RBFOX1: variants seen among roughly 807,000 people sequenced by gnomAD.
RBFOX1 encodes RNA binding fox-1 homolog 1, also known as RNA binding protein fox-1 homolog 1.
In RBFOX1, 8 loss-of-function variants were observed where a neutral mutation model predicts 57.7. The ratio of observed to expected loss-of-function variants is 0.14; its 90% CI spans 0.08 to 0.25. The LOEUF is 0.25. Among genes scored for constraint, RBFOX1 ranks in the 10% least tolerant of loss-of-function variants. The pLI is 1.00. For missense variants in RBFOX1, 611 were observed against 548.5 expected, an observed-to-expected ratio of 1.11 and a Z score of -1.14; for synonymous variants, 326 against 222.4, an observed-to-expected ratio of 1.47 and a Z score of -4.15.
chr16:5,497,002 T>C (rs74004336), intron 2 of RBFOX1, among the ~76,000 whole-genome samples: 35 of 152,326 alleles, frequency 2.3e-4, no homozygotes, highest in African/African-American at 8.2e-4. Flanking sequence ...AAAAGAATTT[T>C]TTTTTCAGGG....
At chr16:7,562,292 C>T (rs2090566747) in intron 5 of RBFOX1, among the ~76,000 whole-genome samples, 1 of 152,066 alleles carries the variant, frequency 6.6e-6, no homozygotes, top group Non-Finnish European at 1.5e-5. Context: ...TGGGAAAGAG[C>T]TGTTGGTGAG....
intron 4 of RBFOX1, among the ~76,000 whole-genome samples, chr16:7,131,893 G>C (rs114435445): frequency 6.6e-6 from 1 of 152,054 alleles, no homozygotes; most frequent in African/African-American, 2.4e-5. Flanking sequence ...TAGGGGGTGA[G>C]AGGCTTCCCA....
At chr16:7,070,238 C>G (rs953684118) in intron 4 of RBFOX1, among the ~76,000 whole-genome samples, 1 of 152,174 alleles carries the variant, frequency 6.6e-6, no homozygotes, top group Non-Finnish European at 1.5e-5. Context: ...TATGAGGAGA[C>G]TGATGTATTT....
intron 4 of RBFOX1, among the ~76,000 whole-genome samples, chr16:7,061,326 G>T (rs1238325252): frequency 6.6e-6 from 1 of 152,120 alleles, no homozygotes; most frequent in East Asian, 1.9e-4. Context: ...ATGTTCTCCA[G>T]TCTTTGCAAG....
At chr16:7,637,421 T>C (rs1293059245) in intron 11 of RBFOX1, among the ~76,000 whole-genome samples, 3 of 152,202 alleles carry the variant, frequency 2.0e-5, no homozygotes, top group Non-Finnish European at 2.9e-5. Flanking sequence ...GATATATTGA[T>C]TGCAGATTTT....
chr16:6,316,778 T>C (rs536364927), intron 1 of RBFOX1, among the ~76,000 whole-genome samples: 13 of 152,154 alleles, frequency 8.5e-5, no homozygotes, highest in African/African-American at 4.8e-5. Flanking sequence ...GAGAAGATAA[T>C]AACACCTTCT....
At chr16:5,774,281 C>G (rs1265349627) in intron 3 of RBFOX1, among the ~76,000 whole-genome samples, 2 of 152,158 alleles carry the variant, frequency 1.3e-5, no homozygotes, top group Non-Finnish European at 2.9e-5. Flanking sequence ...ACCAACATTC[C>G]TTTTCTGTTT....
intron 1 of RBFOX1, among the ~76,000 whole-genome samples, chr16:6,040,291 A>G (rs984660486): frequency 3.3e-5 from 5 of 152,226 alleles, no homozygotes; most frequent in African/African-American, 1.2e-4. Context: ...AAGCAACACT[A>G]TCACCCGTCT....
intron 1 of RBFOX1, among the ~76,000 whole-genome samples, chr16:6,313,649 G>A (rs570254723): frequency 2.8e-4 from 42 of 152,212 alleles, no homozygotes; most frequent in Admixed American, 3.9e-4. Flanking sequence ...CCTTCATTCT[G>A]CCTGACTTTG....
intron 3 of RBFOX1, among the ~76,000 whole-genome samples, chr16:6,872,144 C>G (rs1567654754): frequency 6.6e-6 from 1 of 152,058 alleles, no homozygotes; most frequent in Non-Finnish European, 1.5e-5. Flanking sequence ...TCTTTTCCAC[C>G]AAATGGAAAA....
chr16:6,942,370 G>A (rs1283644560), intron 3 of RBFOX1, among the ~76,000 whole-genome samples: 1 of 152,070 alleles, frequency 6.6e-6, no homozygotes, highest in Non-Finnish European at 1.5e-5. Flanking sequence ...TTGTTGCCCA[G>A]GCTGATCTCG....
At chr16:7,448,458 T>A (rs1864491646) in intron 4 of RBFOX1, among the ~76,000 whole-genome samples, 1 of 151,432 alleles carries the variant, frequency 6.6e-6, no homozygotes, top group South Asian at 2.1e-4. Context: ...GGCAAGAGAG[T>A]GTATGCAGGG....
chr16:5,532,233 A>G (rs1047452234), intron 2 of RBFOX1, among the ~76,000 whole-genome samples: 2 of 152,182 alleles, frequency 1.3e-5, no homozygotes, highest in African/African-American at 4.8e-5. Flanking sequence ...CAGGGCCTCT[A>G]TCCATTATCT....
intron 3 of RBFOX1, among the ~76,000 whole-genome samples, chr16:5,857,250 A>C (rs535716946): frequency 1.3e-5 from 2 of 152,294 alleles, no homozygotes; most frequent in East Asian, 3.9e-4. Flanking sequence ...TAAACCTCCC[A>C]TCCTATGGGA....
intron 3 of RBFOX1, among the ~76,000 whole-genome samples, chr16:7,007,759 C>T (rs2093386105): frequency 1.3e-5 from 2 of 152,164 alleles, no homozygotes; most frequent in Non-Finnish European, 2.9e-5. Flanking sequence ...TCCCTACATG[C>T]AGGTCCTTAG....
chr16:7,420,524 C>T (rs992939454), intron 4 of RBFOX1, among the ~76,000 whole-genome samples: 1 of 152,158 alleles, frequency 6.6e-6, no homozygotes, highest in Admixed American at 6.5e-5. Context: ...ATGTTTGAAT[C>T]AACCAGGCCT....
At chr16:5,870,999 G>C (rs2057455798) in intron 4 of RBFOX1, among the ~76,000 whole-genome samples, 2 of 152,166 alleles carry the variant, frequency 1.3e-5, no homozygotes, top group Admixed American at 6.5e-5. Context: ...GAGTGGCTTT[G>C]CCAGTTCCCT....
At chr16:6,234,708 C>G (rs888887876) in intron 1 of RBFOX1, among the ~76,000 whole-genome samples, 1 of 152,090 alleles carries the variant, frequency 6.6e-6, no homozygotes, top group Non-Finnish European at 1.5e-5. Flanking sequence ...GAAATGAATA[C>G]AACAAAGGGG....
Position 5,253,886 on chromosome 16 carries a change from C to T in RBFOX1, c.219+13781C>T, listed in dbSNP as rs141841484. 2.5e-3 allele frequency among the ~76,000 whole-genome samples: 384 copies of T among 152,332 alleles called. 2 individuals carry two copies. The highest frequency in any genetic ancestry group is 8.9e-3 in the African/African-American group (369 of 41,574). Reference sequence around the variant, plus strand: ...TTCACCTGGTCATGGTCTCATCTGACAGTGGAGTCACTACATCCTCAGGGA... The same window carrying T: ...TTCACCTGGTCATGGTCTCATCTGATAGTGGAGTCACTACATCCTCAGGGA... On this transcript the variant is annotated intron_variant, in intron 1 of 2. Transcript: ENST00000585867.
Sources: allele counts gnomAD v4.1 joint callset (sites outside exome capture counted in the v4.1 genomes callset), GRCh38; gene constraint gnomAD v4.1.1; transcripts MANE v1.5; gene names NCBI Gene and HGNC (gene_info 2026-07-23, HGNC 2026-07-21).